NEGR1: variants seen among roughly 807,000 people sequenced by gnomAD.
NEGR1 encodes IgLON family member 4.
In NEGR1, 10 loss-of-function variants were observed where a neutral mutation model predicts 40.9. That is an observed-to-expected ratio of 0.24 (90% CI 0.15 to 0.42). NEGR1 has a LOEUF of 0.42. Among genes scored for constraint, NEGR1 ranks in the 10% least tolerant of loss-of-function variants. The pLI, the probability that NEGR1 is intolerant of heterozygous loss-of-function variation, is 1.00. For missense variants in NEGR1, 352 were observed against 438.9 expected, an observed-to-expected ratio of 0.80 and a Z score of 1.77; for synonymous variants, 185 against 166.8, an observed-to-expected ratio of 1.11 and a Z score of -0.84.
At chr1:71,901,179 A>G (rs1352007398) in intron 2 of NEGR1, among the ~76,000 whole-genome samples, 2 of 152,188 alleles carry the variant, frequency 1.3e-5, no homozygotes, top group Non-Finnish European at 2.9e-5. Context: ...AAAGTATGAT[A>G]ATGAGGTTTT....
intron 4 of NEGR1, among the ~76,000 whole-genome samples, chr1:71,697,151 A>G (rs1347486528): frequency 6.6e-6 from 1 of 151,886 alleles, no homozygotes; most frequent in Non-Finnish European, 1.5e-5. Context: ...GATCTGCAGC[A>G]TAATACCACG....
intron 3 of NEGR1, among the ~76,000 whole-genome samples, chr1:71,740,615 G>A (rs1162716084): frequency 6.6e-6 from 1 of 152,048 alleles, no homozygotes; most frequent in African/African-American, 2.4e-5. Flanking sequence ...TATGTATTCA[G>A]CTATAATGTA....
At chr1:71,739,213 A>C (rs867226981) in intron 3 of NEGR1, among the ~76,000 whole-genome samples, 5 of 150,702 alleles carry the variant, frequency 3.3e-5, no homozygotes, top group South Asian at 2.1e-4. Flanking sequence ...AAAAAAAAAA[A>C]AAAACAAAAA....
intron 1 of NEGR1, among the ~76,000 whole-genome samples, chr1:72,205,923 A>T (rs1429509414): frequency 6.7e-6 from 1 of 149,886 alleles, no homozygotes; most frequent in Non-Finnish European, 1.5e-5. Context: ...AGCTTGGGCG[A>T]AAGAGCAGGA....
chr1:71,521,641 ACATTTTT>A (rs1240729753), intron 6 of NEGR1, among the ~76,000 whole-genome samples: 1 of 152,074 alleles, frequency 6.6e-6, no homozygotes, highest in Non-Finnish European at 1.5e-5. Flanking sequence ...AAACAGGACT[ACATTTTT>A]CATTTTTCAA....
At chr1:71,644,453 C>G (rs693711) in intron 4 of NEGR1, among the ~76,000 whole-genome samples, 141,322 of 151,972 alleles carry the variant, frequency 0.93, 66,593 homozygotes, top group East Asian at 1. Flanking sequence ...ACCTTGTCTT[C>G]TTTTCTATTG....
At chr1:71,986,434 C>T (rs1195232044) in intron 1 of NEGR1, among the ~76,000 whole-genome samples, 1 of 152,186 alleles carries the variant, frequency 6.6e-6, no homozygotes, top group African/African-American at 2.4e-5. Context: ...CTGGTCTGGT[C>T]CTACAGACTG....
intron 4 of NEGR1, among the ~76,000 whole-genome samples, chr1:71,678,633 C>T (rs1284241734): frequency 1.3e-5 from 2 of 152,016 alleles, no homozygotes; most frequent in African/African-American, 4.8e-5. Flanking sequence ...CATTTCCTTC[C>T]ACTATAAACA....
At chr1:71,725,388 T>C (rs1374604113) in intron 3 of NEGR1, among the ~76,000 whole-genome samples, 2 of 152,156 alleles carry the variant, frequency 1.3e-5, no homozygotes, top group African/African-American at 4.8e-5. Flanking sequence ...TCATTGCAGA[T>C]ACTCTTGGAT....
rs148940695 is a variant in NEGR1, at chr1:72,132,177, T to C, written c.176+150142A>G. ...TACATGCACATAAATAGGACACAAC[T>C]GGAACGGTAAACTAATGTGATTTCC... On this transcript the variant is annotated intron_variant, in intron 1 of 6. Transcript: ENST00000357731. Among the ~76,000 whole-genome samples the C allele has an allele frequency of 1.2e-3, 180 of 152,322 alleles. 1 individual carries two copies. Among genetic ancestry groups the C allele is most frequent in the African/African-American group, 4.1e-3 (169 of 41,568 alleles).
intron 1 of NEGR1, among the ~76,000 whole-genome samples, chr1:72,197,732 C>T (rs1653051053): frequency 6.6e-6 from 1 of 152,022 alleles, no homozygotes; most frequent in Middle Eastern, 3.4e-3. Context: ...GATTCCCAAC[C>T]TACAGACCTA....
chr1:72,199,148 GAC>G (rs1491441069), intron 1 of NEGR1, among the ~76,000 whole-genome samples: 11,657 of 125,778 alleles, frequency 0.093, 529 homozygotes, highest in Non-Finnish European at 0.12. Flanking sequence ...TAGATAGACA[GAC>G]AGAGAGAGAG....
intron 6 of NEGR1, among the ~76,000 whole-genome samples, chr1:71,495,535 CA>C (rs1646957272): frequency 6.6e-6 from 1 of 150,818 alleles, no homozygotes; most frequent in Non-Finnish European, 1.5e-5. Flanking sequence ...TTTGACTACA[CA>C]AGGAATTGCT....
chr1:71,546,339 T>G (rs1015896786), intron 6 of NEGR1, among the ~76,000 whole-genome samples: 1 of 151,690 alleles, frequency 6.6e-6, no homozygotes, highest in African/African-American at 2.4e-5. Context: ...GGAATACCCA[T>G]GATGTGCCAA....
intron 1 of NEGR1, among the ~76,000 whole-genome samples, chr1:72,021,911 G>A (rs1274409709): frequency 4.6e-5 from 7 of 152,028 alleles, no homozygotes; most frequent in African/African-American, 7.2e-5. Context: ...CGAGGCGGGC[G>A]GATCATGAGG....
intron 6 of NEGR1, among the ~76,000 whole-genome samples, chr1:71,572,052 T>A (rs1383638415): frequency 6.6e-6 from 1 of 152,134 alleles, no homozygotes; most frequent in Non-Finnish European, 1.5e-5. Context: ...TCAAATTAGC[T>A]CTGAGTATTA....
chr1:71,942,473 ATATATATATATTTTTTTTTTTTTT>A (rs1645971165), intron 1 of NEGR1, among the ~76,000 whole-genome samples: 1 of 13,112 alleles, frequency 7.6e-5, no homozygotes. Context: ...ATATATATAT[ATATATATATATTTTTTTTTTTTTT>A]TTTTTTTTTT....
At chr1:71,845,932 T>TC (rs1557675031) in intron 2 of NEGR1, among the ~76,000 whole-genome samples, 1 of 143,708 alleles carries the variant, frequency 7.0e-6, no homozygotes, top group Admixed American at 7.0e-5. Flanking sequence ...GCTTTTTTTT[T>TC]TTTTTTTTTT....
intron 6 of NEGR1, among the ~76,000 whole-genome samples, chr1:71,528,724 C>T (rs987640920): frequency 1.3e-5 from 2 of 151,142 alleles, no homozygotes; most frequent in Admixed American, 1.3e-4. Context: ...ATGAGGCAAA[C>T]ATTTGATGAT....
Sources: allele counts gnomAD v4.1 joint callset (sites outside exome capture counted in the v4.1 genomes callset), GRCh38; gene constraint gnomAD v4.1.1; transcripts MANE v1.5; gene names NCBI Gene and HGNC (gene_info 2026-07-23, HGNC 2026-07-21).